The following SULF2 variants were observed in gnomAD, a reference collection of about 807,000 sequenced individuals.
SULF2 encodes extracellular sulfatase Sulf-2.
A neutral mutation model predicts 107.7 loss-of-function variants in SULF2; 52 were observed. The ratio of observed to expected loss-of-function variants is 0.48; its 90% CI spans 0.39 to 0.61. The LOEUF (loss-of-function observed/expected upper bound fraction) is 0.61, where lower values mean the gene tolerates loss of function less well. Among genes scored for constraint, SULF2 ranks in the 20% least tolerant of loss-of-function variants. The pLI is 0.00. For missense variants in SULF2, 993 were observed against 1,177.3 expected, an observed-to-expected ratio of 0.84 and a Z score of 2.29; for synonymous variants, 460 against 464.3, an observed-to-expected ratio of 0.99 and a Z score of 0.12.
At chr20:47,663,256 G>C in intron 16 of SULF2, 44 bp from the exon 17 acceptor site, 4 of 1,610,488 alleles carry the variant, frequency 2.5e-6, no homozygotes, top group Non-Finnish European at 3.4e-6. Flanking sequence ...TGCGGGAGGA[G>C]GCCCCATCTG....
chr20:47,762,459 T>C (rs1183074753), intron 1 of SULF2, among the ~76,000 whole-genome samples: 4 of 152,200 alleles, frequency 2.6e-5, no homozygotes, highest in Admixed American at 6.5e-5. Flanking sequence ...ATTTCACCCA[T>C]TTTATGGATG....
In SULF2 at chr20:47,665,934, C is replaced by T; in HGVS notation, c.1825G>A (p.Asp609Asn). ...VTHRCYILEN[D>N]TVQCDLDLYK... ...AGGTCCAGGTCACACTGGACTGTGTCGTTCTCTAGGATGTAGCACCTGCTT... is the reference window on the plus strand; with the variant it reads ...AGGTCCAGGTCACACTGGACTGTGTTGTTCTCTAGGATGTAGCACCTGCTT... The change falls in exon 13 of 21, where the codon GAC (aspartate) becomes AAC (asparagine). Residue 609 changes from aspartate to asparagine, a missense_variant. This residue lies in a region of SULF2 where 497 missense variants were observed against 544.1 expected (regional missense o/e 0.91). Transcript: ENST00000688720. 4.3e-6 allele frequency: 7 copies of T among 1,614,070 alleles called. No individual in the cohort carries two copies. The highest frequency in any genetic ancestry group is 1.6e-4 in the Middle Eastern group (1 of 6,062).
chr20:47,756,304 A>AT (rs11483590), intron 2 of SULF2, among the ~76,000 whole-genome samples: 3,315 of 152,266 alleles, frequency 0.022, 138 homozygotes, highest in African/African-American at 0.075. Flanking sequence ...TATGTGTCAA[A>AT]TTGTCAATAA....
chr20:47,700,588 G>A (rs1027382695), intron 4 of SULF2, among the ~76,000 whole-genome samples: 1 of 150,960 alleles, frequency 6.6e-6, no homozygotes, highest in African/African-American at 2.4e-5. Flanking sequence ...GCTGATAAGG[G>A]ATGCAGGGCA....
intron 11 of SULF2, among the ~76,000 whole-genome samples, chr20:47,667,472 G>C (rs1299775738): frequency 6.6e-6 from 1 of 152,222 alleles, no homozygotes; most frequent in Non-Finnish European, 1.5e-5. Context: ...AGAAAAAGGG[G>C]AGGTGGTGGC....
chr20:47,717,103 C>A (rs144543695), intron 3 of SULF2, among the ~76,000 whole-genome samples: 8 of 152,288 alleles, frequency 5.3e-5, no homozygotes, highest in Non-Finnish European at 1.0e-4. Context: ...TGCTAGAAAA[C>A]TCCACTGTCT....
chr20:47,722,730 G>C (rs889244561), intron 3 of SULF2, among the ~76,000 whole-genome samples: 2 of 149,788 alleles, frequency 1.3e-5, no homozygotes, highest in African/African-American at 4.9e-5. Context: ...TCAGGAGTTC[G>C]AGACCAGCCT....
chr20:47,661,879 G>A lies in SULF2; in HGVS notation c.2388C>T (p.Asn796=), dbSNP rs1446071567. ...TDPYQLMNAV[N]TLDRDVLNQL... ...GGTTGAGGACATCCCTGTCCAGTGT[G>A]TTCACTGCATTCATCAGCTGGTTGC... is the stretch of plus-strand genomic sequence containing the variant. The change falls in exon 18 of 21, where the codon AAC becomes AAT. Residue 796 remains asparagine, a synonymous_variant. Coordinates refer to ENST00000688720, the MANE Select transcript of SULF2 (RefSeq NM_001387048.1). The A allele has an allele frequency of 1.3e-6, 2 of 1,576,366 alleles. No homozygotes were observed. Among genetic ancestry groups the A allele is most frequent in the African/African-American group, 1.3e-5 (1 of 74,346 alleles).
chr20:47,706,469 A>G (rs1370665139), intron 3 of SULF2: 1 of 152,202 alleles, frequency 6.6e-6, no homozygotes, highest in Non-Finnish European at 1.5e-5. Context: ...ATTGTTAGAA[A>G]GAAAAAAAAG....
chr20:47,777,805 AG>A (rs1187064657), intron 1 of SULF2, among the ~76,000 whole-genome samples: 2 of 152,188 alleles, frequency 1.3e-5, no homozygotes, highest in Non-Finnish European at 2.9e-5. Context: ...TTCACCAAGC[AG>A]GAACATCTCC....
At chr20:47,664,092 CT>C in intron 15 of SULF2, 37 bp downstream of exon 15, 8 of 1,599,428 alleles carry the variant, frequency 5.0e-6, no homozygotes, top group Non-Finnish European at 6.9e-6. Context: ...TCATGCAGGC[CT>C]CTGCATCTCT....
At position 47,690,191 on chromosome 20, in the gene SULF2, G is replaced by T; in HGVS notation, c.672C>A (p.Ala224=). The T allele has an allele frequency of 6.4e-7, 1 of 1,569,546 alleles. No individual in the cohort carries two copies. The highest frequency in any genetic ancestry group is 8.7e-7 in the Non-Finnish European group (1 of 1,154,494). ...RPVLMVISHA[A]PHGPEDSAPQ... ...GGGCTGAATCCTCAGGGCCGTGGGG[G>T]GCTGCATGGCTGATGACCATGAGGA... The change falls in exon 5 of 21, where the codon GCC becomes GCA. Residue 224 remains alanine, a synonymous_variant. Transcript: ENST00000688720.
chr20:47,716,349 AC>A (rs1344746959), intron 3 of SULF2, among the ~76,000 whole-genome samples: 3 of 152,182 alleles, frequency 2.0e-5, no homozygotes. Flanking sequence ...TACTAAAAAT[AC>A]AAAAATTAGC....
At chr20:47,715,083 T>C (rs569514003) in intron 3 of SULF2, among the ~76,000 whole-genome samples, 1 of 147,108 alleles carries the variant, frequency 6.8e-6, no homozygotes, top group Admixed American at 6.8e-5. Flanking sequence ...CATGCCCAGA[T>C]AACTTTTGTA....
At chr20:47,661,519 GGGA>G in intron 18 of SULF2, 2 of 333,452 alleles carry the variant, frequency 6.0e-6, no homozygotes, top group Non-Finnish European at 1.1e-5. Context: ...GTGGACAAAA[GGGA>G]GGACAATGAA....
At chr20:47,712,513 C>T (rs1029895744) in intron 3 of SULF2, among the ~76,000 whole-genome samples, 1 of 152,158 alleles carries the variant, frequency 6.6e-6, no homozygotes, top group African/African-American at 2.4e-5. Context: ...TCCTCATTTC[C>T]CCAACTAGGG....
chr20:47,770,623 TC>T (rs1286425708), intron 1 of SULF2, among the ~76,000 whole-genome samples: 1 of 152,210 alleles, frequency 6.6e-6, no homozygotes, highest in Non-Finnish European at 1.5e-5. Flanking sequence ...TCTTTTATTC[TC>T]AGAGGCTCCT....
chr20:47,778,765 T>G (rs1316709), intron 1 of SULF2, among the ~76,000 whole-genome samples: 9 of 152,008 alleles, frequency 5.9e-5, no homozygotes, highest in African/African-American at 2.2e-4. Context: ...TTCTTGGAAA[T>G]GTCAGAGAGG....
chr20:47,758,321 C>T (rs1324124357), intron 1 of SULF2, among the ~76,000 whole-genome samples: 5 of 151,998 alleles, frequency 3.3e-5, no homozygotes, highest in Non-Finnish European at 7.4e-5. Context: ...AGGCGCCTGC[C>T]ACCACGCCCG....
Sources: gnomAD v4.1 joint callset for allele counts (sites outside exome capture counted in the v4.1 genomes callset) on GRCh38, gnomAD v4.1.1 for gene constraint, gnomAD v4.1.1 regional missense constraint, MANE v1.5 for transcripts, NCBI Gene and HGNC (gene_info 2026-07-23, HGNC 2026-07-21) for gene names.